CNTNAP2: variants seen among roughly 807,000 people sequenced by gnomAD.
CNTNAP2 encodes contactin-associated protein-like 2.
CNTNAP2 carries 98 observed loss-of-function variants against 155.2 expected under a neutral mutation model. The ratio of observed to expected loss-of-function variants is 0.63; its 90% CI spans 0.54 to 0.75. The LOEUF is 0.75. Ranked by LOEUF, CNTNAP2 falls within the 30% of genes least tolerant of loss-of-function variation. The probability of loss-of-function intolerance (pLI) is 0.00; values close to 1 mark genes in which losing one functional copy is unlikely to be tolerated. For synonymous variants in CNTNAP2, 651 were observed against 631.2 expected, an observed-to-expected ratio of 1.03 and a Z score of -0.47; for missense variants, 1,727 against 1,688.1, an observed-to-expected ratio of 1.02 and a Z score of -0.40.
At chr7:148,002,903 C>T (rs6946207) in intron 15 of CNTNAP2, among the ~76,000 whole-genome samples, 105,411 of 152,040 alleles carry the variant, frequency 0.69, 37,307 homozygotes, top group East Asian at 0.83. Flanking sequence ...TGTGTAAGTA[C>T]ATAAACATTT....
At chr7:148,409,504 C>T (rs773510063) in intron 23 of CNTNAP2, 33 bp downstream of exon 23, 13 of 1,561,776 alleles carry the variant, frequency 8.3e-6, no homozygotes, top group Non-Finnish European at 1.1e-5. Flanking sequence ...TTATATGGGG[C>T]TACTCAACTA....
chr7:147,195,446 T>TC (rs2116534997), intron 8 of CNTNAP2, among the ~76,000 whole-genome samples: 1 of 152,292 alleles, frequency 6.6e-6, no homozygotes, highest in African/African-American at 2.4e-5. Flanking sequence ...AGTTTTTTTT[T>TC]CTAATTCTGT....
chr7:147,039,685 T>A (rs1468874723), intron 3 of CNTNAP2, among the ~76,000 whole-genome samples: 1 of 151,810 alleles, frequency 6.6e-6, no homozygotes, highest in Non-Finnish European at 1.5e-5. Flanking sequence ...TCTGAGTATA[T>A]TCCCCATAAT....
At chr7:146,721,807 A>ATG (rs1449510728) in intron 1 of CNTNAP2, among the ~76,000 whole-genome samples, 9 of 119,050 alleles carry the variant, frequency 7.6e-5, no homozygotes, top group Non-Finnish European at 1.5e-4. Context: ...TAGACTATAT[A>ATG]TAGTCTATAT....
At chr7:146,229,761 A>G (rs904743704) in intron 1 of CNTNAP2, among the ~76,000 whole-genome samples, 2 of 152,168 alleles carry the variant, frequency 1.3e-5, no homozygotes, top group African/African-American at 2.4e-5. Context: ...ATTTAGAAAT[A>G]AAAATGAGAC....
At chr7:147,534,393 A>C (rs1562985032) in intron 11 of CNTNAP2, among the ~76,000 whole-genome samples, 1 of 152,184 alleles carries the variant, frequency 6.6e-6, no homozygotes, top group Admixed American at 6.5e-5. Flanking sequence ...ACTTAGAATT[A>C]TATTTCTTAA....
At chr7:146,814,879 T>C (rs1349777030) in intron 2 of CNTNAP2, among the ~76,000 whole-genome samples, 1 of 152,194 alleles carries the variant, frequency 6.6e-6, no homozygotes, top group Non-Finnish European at 1.5e-5. Context: ...GGAAAAATTA[T>C]GACACACCCA....
rs1308557063 is a variant in CNTNAP2 at position 147,094,303 on chromosome 7, T to C, written c.551-13844T>C. Among the ~76,000 whole-genome samples, 4 of 152,172 alleles carry C rather than the reference T, an allele frequency of 2.6e-5. No homozygotes were observed. The East Asian group carries it at 7.7e-4, about 29-fold the overall frequency. On this transcript the variant is annotated intron_variant, in intron 4 of 23. Coordinates refer to ENST00000361727, the MANE Select transcript of CNTNAP2 (RefSeq NM_014141.6). Reference sequence around the variant, plus strand: ...TAGGTATACCTTAAGAAGATTGAGGTTCTTTCTACAGCTCTCCTCTTTTCT... The same window carrying C: ...TAGGTATACCTTAAGAAGATTGAGGCTCTTTCTACAGCTCTCCTCTTTTCT...
intron 3 of CNTNAP2, among the ~76,000 whole-genome samples, chr7:146,965,578 A>T (rs1206568372): frequency 6.6e-6 from 1 of 151,988 alleles, no homozygotes; most frequent in Non-Finnish European, 1.5e-5. Context: ...AATTTTGGGT[A>T]CAAGCAGAAG....
chr7:147,573,526 A>G (rs1800333006), intron 12 of CNTNAP2, among the ~76,000 whole-genome samples: 1 of 152,138 alleles, frequency 6.6e-6, no homozygotes, highest in South Asian at 2.1e-4. Context: ...GGGCTAGGAC[A>G]AGGCAGCATA....
intron 15 of CNTNAP2, among the ~76,000 whole-genome samples, chr7:148,055,136 G>A (rs900302832): frequency 4.0e-5 from 6 of 151,860 alleles, no homozygotes; most frequent in Non-Finnish European, 4.4e-5. Flanking sequence ...TGCCTGCCTC[G>A]GCCTCCCAAA....
At chr7:147,593,119 A>G (rs1800769930) in intron 12 of CNTNAP2, among the ~76,000 whole-genome samples, 1 of 152,122 alleles carries the variant, frequency 6.6e-6, no homozygotes, top group Admixed American at 6.6e-5. Flanking sequence ...TTGCAGAATA[A>G]CTTTCACTTA....
intron 13 of CNTNAP2, among the ~76,000 whole-genome samples, chr7:147,836,806 T>C (rs1798641274): frequency 2.0e-5 from 3 of 152,224 alleles, no homozygotes; most frequent in South Asian, 4.1e-4. Flanking sequence ...CTCTTGTCTG[T>C]TATTCAAACT....
intron 1 of CNTNAP2, among the ~76,000 whole-genome samples, chr7:146,755,236 G>A (rs1447111659): frequency 3.3e-5 from 5 of 151,906 alleles, no homozygotes; most frequent in Non-Finnish European, 5.9e-5. Flanking sequence ...ACTTTGCTGG[G>A]CATAAAAACT....
At chr7:148,129,982 C>T (rs757206859) in intron 16 of CNTNAP2, among the ~76,000 whole-genome samples, 3 of 152,186 alleles carry the variant, frequency 2.0e-5, no homozygotes, top group Non-Finnish European at 2.9e-5. Flanking sequence ...TTTCACCAAA[C>T]GTAGTCAGGA....
chr7:147,233,026 G>C (rs1433782380), intron 8 of CNTNAP2, among the ~76,000 whole-genome samples: 1 of 152,142 alleles, frequency 6.6e-6, no homozygotes, highest in Non-Finnish European at 1.5e-5. Context: ...AACTGTACAT[G>C]GGCTTTTCAG....
intron 1 of CNTNAP2, among the ~76,000 whole-genome samples, chr7:146,141,335 A>G (rs776549788): frequency 6.6e-6 from 1 of 152,148 alleles, no homozygotes; most frequent in Non-Finnish European, 1.5e-5. Flanking sequence ...ATTCGTGTAG[A>G]TCACTATCCT....
intron 11 of CNTNAP2, among the ~76,000 whole-genome samples, chr7:147,555,995 A>G (rs1305860883): frequency 6.6e-6 from 1 of 152,150 alleles, no homozygotes; most frequent in Non-Finnish European, 1.5e-5. Flanking sequence ...TTCTGCCAGC[A>G]TTTTGGCAAT....
intron 13 of CNTNAP2, among the ~76,000 whole-genome samples, chr7:147,768,401 A>G (rs956323149): frequency 1.3e-5 from 2 of 152,092 alleles, no homozygotes; most frequent in Non-Finnish European, 2.9e-5. Flanking sequence ...ATAGTAATCT[A>G]TTCATGTCCT....
Sources: gnomAD v4.1 joint callset for allele counts (sites outside exome capture counted in the v4.1 genomes callset) on GRCh38, gnomAD v4.1.1 for gene constraint, MANE v1.5 for transcripts, NCBI Gene and HGNC (gene_info 2026-07-23, HGNC 2026-07-21) for gene names.